The following PCDH9 variants were observed in gnomAD, a reference collection of about 807,000 sequenced individuals.
PCDH9 encodes the protein protocadherin-9.
In PCDH9, 24 loss-of-function variants were observed where a neutral mutation model predicts 70.6. That is an observed-to-expected ratio of 0.34 (90% CI 0.25 to 0.48). The LOEUF (loss-of-function observed/expected upper bound fraction) is 0.48. PCDH9 is among the 20% of genes least tolerant of loss of function. PCDH9 has a pLI of 0.99. For missense variants in PCDH9, 1,281 were observed against 1,503.6 expected (o/e 0.85, Z 2.45); for synonymous variants, 562 against 558.5 (o/e 1.01, Z -0.09).
chr13:66,668,382 G>A (rs1457720673), intron 3 of PCDH9, among the ~76,000 whole-genome samples: 1 of 151,962 alleles, frequency 6.6e-6, no homozygotes, highest in Non-Finnish European at 1.5e-5. Flanking sequence ...CTCTTTAGGA[G>A]CCCAAATGCC....
rs550283173 is a variant in PCDH9 at position 67,064,801 on chromosome 13, G to T, written c.3036+160604C>A. 1.2e-4 allele frequency among the ~76,000 whole-genome samples: 18 copies of T among 152,080 alleles called. No individual in the cohort carries two copies. The South Asian group carries it at 3.5e-3, about 30-fold the overall frequency. ...TAGAGTACTATGAAAAGAAGCAAATGACACATTTCAACAATCCCTTAGGGC... is the reference window on the plus strand; with the variant it reads ...TAGAGTACTATGAAAAGAAGCAAATTACACATTTCAACAATCCCTTAGGGC... On this transcript the variant is annotated intron_variant, in intron 2 of 4. Coordinates refer to ENST00000377865, the MANE Select transcript of PCDH9 (RefSeq NM_203487.3).
chr13:67,159,063 T>C (rs2087886061), intron 2 of PCDH9, among the ~76,000 whole-genome samples: 1 of 152,122 alleles, frequency 6.6e-6, no homozygotes, highest in Non-Finnish European at 1.5e-5. Context: ...TAAAAGGAGA[T>C]GCTATTATGG....
chr13:66,365,245 T>G (rs532492826), intron 4 of PCDH9, among the ~76,000 whole-genome samples: 1 of 152,284 alleles, frequency 6.6e-6, no homozygotes, highest in South Asian at 2.1e-4. Context: ...GGTTCTGTCT[T>G]GGAGAAATGT....
At chr13:66,949,253 C>T (rs538374832) in intron 2 of PCDH9, among the ~76,000 whole-genome samples, 58 of 152,244 alleles carry the variant, frequency 3.8e-4, no homozygotes, top group Middle Eastern at 6.8e-3. Context: ...CCAGACAAGT[C>T]TTTCATCCTG....
At chr13:66,897,456 T>C (rs2082201812) in intron 3 of PCDH9, among the ~76,000 whole-genome samples, 1 of 152,120 alleles carries the variant, frequency 6.6e-6, no homozygotes, top group African/African-American at 2.4e-5. Context: ...AACATATTGA[T>C]GGCCCCATTT....
intron 2 of PCDH9, among the ~76,000 whole-genome samples, chr13:67,132,391 T>C (rs1253997254): frequency 1.3e-5 from 2 of 152,176 alleles, no homozygotes; most frequent in African/African-American, 2.4e-5. Context: ...TAAAAGGCTG[T>C]ATCTTGCAAG....
At chr13:66,982,028 T>TG (rs2083782602) in intron 2 of PCDH9, among the ~76,000 whole-genome samples, 1 of 152,170 alleles carries the variant, frequency 6.6e-6, no homozygotes. Flanking sequence ...GTTTGGATCA[T>TG]GGGGGCGGAT....
At chr13:67,163,854 T>C (rs2088030795) in intron 2 of PCDH9, among the ~76,000 whole-genome samples, 1 of 152,210 alleles carries the variant, frequency 6.6e-6, no homozygotes, top group Non-Finnish European at 1.5e-5. Context: ...AGATTCTTTA[T>C]TAGTGATCTG....
intron 4 of PCDH9, among the ~76,000 whole-genome samples, chr13:66,544,812 T>C (rs1315146850): frequency 6.6e-6 from 1 of 152,178 alleles, no homozygotes; most frequent in Non-Finnish European, 1.5e-5. Context: ...ATACATCTTA[T>C]GCTAATTAAC....
Position 66,613,891 on chromosome 13 carries a change from AT to A in PCDH9, c.3340+17318del, listed in dbSNP as rs1449640186. Among the ~76,000 whole-genome samples the A allele has an allele frequency of 2.0e-5, 3 of 152,224 alleles. 1 individual carries two copies. The highest frequency in any genetic ancestry group is 2.0e-4 in the Admixed American group (3 of 15,272). ...AGAAATAAAAACAACCCTAAAGACT[AT>A]TAGTAAAATGCAGGTCAGATGCAAG... On this transcript the variant is annotated intron_variant, in intron 4 of 4. Coordinates refer to ENST00000377865, the MANE Select transcript of PCDH9 (RefSeq NM_203487.3).
rs2079329149 is a variant in PCDH9, at chr13:66,744,609, C to A, written c.3139-113198G>T. Among the ~76,000 whole-genome samples the A allele has an allele frequency of 2.0e-5, 3 of 152,072 alleles. No homozygotes were observed. In the South Asian group the frequency reaches 6.2e-4, roughly 32 times the overall value. On this transcript the variant is annotated intron_variant, in intron 3 of 4. Transcript: ENST00000377865. ...ATGTCATTTTACTGGATATATTAAG[C>A]AAATGCTAATAATAGGATATAATAT...
rs1169692472 is a variant in PCDH9 at position 67,230,169 on chromosome 13, A to G, written c.-525T>C. On this transcript the variant is annotated 5_prime_UTR_variant, in exon 1 of 5. Transcript: ENST00000377865. ...TGTAGGAAACGTCAGAGTTGCGGTG[A>G]TGATGATTCTCTGACAGCTATCCGG... is the stretch of plus-strand genomic sequence containing the variant. 1 of 152,168 alleles carries G rather than the reference A, an allele frequency of 6.6e-6. No homozygotes were observed. Among genetic ancestry groups the G allele is most frequent in the Non-Finnish European group, 1.5e-5 (1 of 68,042 alleles). 9.4% of individuals were successfully genotyped at this position (152,168 alleles called of 1,614,324 possible). A position where few individuals can be genotyped will look rare whatever the true frequency, so the allele number is the denominator to read the frequency against.
intron 2 of PCDH9, among the ~76,000 whole-genome samples, chr13:67,180,842 T>C (rs2088595977): frequency 6.6e-6 from 1 of 152,166 alleles, no homozygotes. Flanking sequence ...CCTGAACATT[T>C]CTCACTGATA....
chr13:67,028,711 CT>C (rs1334345182), intron 2 of PCDH9, among the ~76,000 whole-genome samples: 2 of 151,930 alleles, frequency 1.3e-5, no homozygotes, highest in Non-Finnish European at 2.9e-5. Flanking sequence ...ACATATTTTT[CT>C]TCCAAATAAA....
At chr13:66,689,455 A>T (rs2078451551) in intron 3 of PCDH9, among the ~76,000 whole-genome samples, 1 of 152,194 alleles carries the variant, frequency 6.6e-6, no homozygotes, top group Non-Finnish European at 1.5e-5. Flanking sequence ...ACAGCTTAGA[A>T]ACTGCCTTCA....
chr13:66,501,735 T>TA (rs1242358511), intron 4 of PCDH9, among the ~76,000 whole-genome samples: 1 of 152,030 alleles, frequency 6.6e-6, no homozygotes, highest in African/African-American at 2.4e-5. Flanking sequence ...TCTCAATGAC[T>TA]AAAAAAATCA....
At position 66,331,070 on chromosome 13, in the gene PCDH9, G is replaced by A. The variant is rs1005499762; in HGVS notation, c.3341-26042C>T. Reference sequence around the variant, plus strand: ...TCAGTGGAATGAGTCTCAGAAAATCGTGGACACATTTTTAAACTGTGCTGT... The same window carrying A: ...TCAGTGGAATGAGTCTCAGAAAATCATGGACACATTTTTAAACTGTGCTGT... On this transcript the variant is annotated intron_variant, in intron 4 of 4. Transcript: ENST00000377865. Among the ~76,000 whole-genome samples, 2 of 152,084 alleles carry A rather than the reference G, an allele frequency of 1.3e-5. 1 individual carries two copies. Among genetic ancestry groups the A allele is most frequent in the Admixed American group, 1.3e-4 (2 of 15,254 alleles).
chr13:66,669,590 G>C (rs1334469362), intron 3 of PCDH9, among the ~76,000 whole-genome samples: 1 of 152,122 alleles, frequency 6.6e-6, no homozygotes, highest in African/African-American at 2.4e-5. Flanking sequence ...TGAGCAGCCG[G>C]AGCCTCTCTC....
chr13:66,825,354 T>TTGA (rs1270526643), intron 3 of PCDH9: 26 of 144,970 alleles, frequency 1.8e-4, no homozygotes, highest in African/African-American at 6.5e-4. Flanking sequence ...TTTTTTTTTT[T>TTGA]GAGACGGAGT....
Sources: allele counts gnomAD v4.1 joint callset (sites outside exome capture counted in the v4.1 genomes callset), GRCh38; gene constraint gnomAD v4.1.1; transcripts MANE v1.5; gene names NCBI Gene and HGNC (gene_info 2026-07-23, HGNC 2026-07-21).